The following CRADD variants were observed in gnomAD, a reference collection of about 807,000 sequenced individuals.
CRADD encodes death domain-containing protein CRADD.
In CRADD, 9 loss-of-function variants were observed where a neutral mutation model predicts 15.5. That is an observed-to-expected ratio of 0.58 (90% CI 0.35 to 1.01). The LOEUF (loss-of-function observed/expected upper bound fraction) is 1.01. Ranked by LOEUF, CRADD falls within the 50% of genes least tolerant of loss-of-function variation. The pLI, the probability that CRADD is intolerant of heterozygous loss-of-function variation, is 0.02. For synonymous variants in CRADD, 118 were observed against 107.6 expected, an observed-to-expected ratio of 1.10 and a Z score of -0.60; for missense variants, 227 against 250.3, an observed-to-expected ratio of 0.91 and a Z score of 0.63.
At chr12:93,779,999 G>A (rs750991805) in intron 2 of CRADD, among the ~76,000 whole-genome samples, 9 of 152,208 alleles carry the variant, frequency 5.9e-5, no homozygotes, top group Non-Finnish European at 1.2e-4. Flanking sequence ...GAAGAGTGGC[G>A]TAAACCGGTA....
chr12:93,699,896 A>G (rs1316871436), intron 2 of CRADD, among the ~76,000 whole-genome samples: 1 of 152,250 alleles, frequency 6.6e-6, no homozygotes, highest in Admixed American at 6.5e-5. Flanking sequence ...AGAGAGGGGT[A>G]ACATGCATAC....
chr12:93,839,352 C>T (rs934924128), intron 2 of CRADD, among the ~76,000 whole-genome samples: 2 of 152,166 alleles, frequency 1.3e-5, no homozygotes, highest in African/African-American at 4.8e-5. Context: ...ATCTATATCT[C>T]CCAAAAGAGG....
At chr12:93,773,485 C>T (rs531036582) in intron 2 of CRADD, among the ~76,000 whole-genome samples, 37 of 152,244 alleles carry the variant, frequency 2.4e-4, no homozygotes, top group African/African-American at 5.3e-4. Flanking sequence ...CCACATGGAA[C>T]GGTAAGTCCA....
rs568736302 is a variant in CRADD, at chr12:93,874,328, CT to C, written c.299-19715del. On this transcript the variant is annotated intron_variant, in intron 2 of 2. Transcript: ENST00000548483. ...TTCTGATTTTATTTGCATCTTTTCTCTTTTTTTCTTAGTCTGGCTAAAGTTT... is the reference window on the plus strand; with the variant it reads ...TTCTGATTTTATTTGCATCTTTTCTCTTTTTTCTTAGTCTGGCTAAAGTTT... Among the ~76,000 whole-genome samples, 20 of 151,906 alleles carry C rather than the reference CT, an allele frequency of 1.3e-4. 1 individual carries two copies. The highest frequency in any genetic ancestry group is 4.6e-4 in the African/African-American group (19 of 41,498).
At chr12:93,885,257 C>A (rs1958528116) in intron 2 of CRADD, among the ~76,000 whole-genome samples, 1 of 152,196 alleles carries the variant, frequency 6.6e-6, no homozygotes, top group Admixed American at 6.5e-5. Context: ...TTGTGGTGAA[C>A]TCCAGATTTA....
In CRADD at chr12:93,698,905, A is replaced by T. The variant is rs375793507; in HGVS notation, c.298+19833A>T. On this transcript the variant is annotated intron_variant, in intron 2 of 2. Transcript: ENST00000332896. The stretch of plus-strand genomic sequence containing the variant: ...TAACACGTTGTCTCTGGCTGCTTTC[A>T]CAATACACCAGCAGGGCAGAGTCAG... Among the ~76,000 whole-genome samples, 46 of 152,292 alleles carry T rather than the reference A, an allele frequency of 3.0e-4. 3 individuals carry two copies. The highest frequency in any genetic ancestry group is 1.4e-3 in the Admixed American group (21 of 15,292).
At chr12:93,721,574 T>G (rs1280662987) in intron 2 of CRADD, among the ~76,000 whole-genome samples, 1 of 152,210 alleles carries the variant, frequency 6.6e-6, no homozygotes, top group African/African-American at 2.4e-5. Flanking sequence ...GTACTGCACA[T>G]GTACAGATGT....
At chr12:93,763,301 T>C (rs1956990699) in intron 2 of CRADD, among the ~76,000 whole-genome samples, 1 of 152,202 alleles carries the variant, frequency 6.6e-6, no homozygotes, top group Admixed American at 6.5e-5. Context: ...TGGCTTTACA[T>C]ACTGAGTCCT....
In CRADD at chr12:93,809,259, T is replaced by C. The variant is rs116314660; in HGVS notation, c.299-40711T>C. Among the ~76,000 whole-genome samples the C allele has an allele frequency of 1.5e-3, 221 of 152,352 alleles. 1 individual carries two copies. Among genetic ancestry groups the C allele is most frequent in the African/African-American group, 5.2e-3 (216 of 41,582 alleles). On this transcript the variant is annotated intron_variant, in intron 2 of 2. Transcript: ENST00000332896. ...TAATATATTCATATGTGTTTTAATA[T>C]AAAATGTTTATCATTTAAATGGATT...
chr12:93,680,560 C>T (rs1955261234), intron 2 of CRADD, among the ~76,000 whole-genome samples: 1 of 152,172 alleles, frequency 6.6e-6, no homozygotes, highest in African/African-American at 2.4e-5. Flanking sequence ...AAATATTAGA[C>T]ATAGCTGGCT....
intron 2 of CRADD, among the ~76,000 whole-genome samples, chr12:93,865,885 T>A (rs1479012907): frequency 2.6e-5 from 4 of 152,238 alleles, no homozygotes; most frequent in African/African-American, 9.6e-5. Flanking sequence ...AACCCACAGA[T>A]GTTTGAGAGC....
intron 2 of CRADD, among the ~76,000 whole-genome samples, chr12:93,687,033 A>G (rs1455078475): frequency 6.6e-6 from 1 of 152,208 alleles, no homozygotes; most frequent in Non-Finnish European, 1.5e-5. Flanking sequence ...TTAAAAGGAA[A>G]TGATGATCGT....
chr12:93,745,290 C>T (rs541110186), intron 2 of CRADD, among the ~76,000 whole-genome samples: 19 of 152,140 alleles, frequency 1.2e-4, no homozygotes, highest in Non-Finnish European at 2.4e-4. Flanking sequence ...GTATGAATTA[C>T]ATATGGGCAA....
chr12:93,816,972 A>T (rs763592817), intron 2 of CRADD, among the ~76,000 whole-genome samples: 2 of 152,226 alleles, frequency 1.3e-5, no homozygotes, highest in African/African-American at 4.8e-5. Flanking sequence ...CTGCCTTTGG[A>T]GAAGTGGTTG....
intron 2 of CRADD, among the ~76,000 whole-genome samples, chr12:93,768,769 A>C (rs1360906882): frequency 6.6e-6 from 1 of 152,172 alleles, no homozygotes; most frequent in Non-Finnish European, 1.5e-5. Context: ...GAACACATCC[A>C]TTTACTGCCC....
intron 2 of CRADD, among the ~76,000 whole-genome samples, chr12:93,885,623 AT>A (rs1279879504): frequency 1.3e-5 from 2 of 152,234 alleles, no homozygotes; most frequent in African/African-American, 4.8e-5. Flanking sequence ...TCCATTCTGC[AT>A]AATAAGCTTG....
intron 2 of CRADD, among the ~76,000 whole-genome samples, chr12:93,841,686 G>A (rs749015315): frequency 3.3e-5 from 5 of 152,186 alleles, no homozygotes; most frequent in Non-Finnish European, 5.9e-5. Context: ...TCCTGTTGGT[G>A]TTGGGCTTGG....
At chr12:93,737,335 C>A (rs1378599532) in intron 2 of CRADD, among the ~76,000 whole-genome samples, 1 of 152,140 alleles carries the variant, frequency 6.6e-6, no homozygotes, top group African/African-American at 2.4e-5. Context: ...TTCACATCTG[C>A]TAAAGATAGC....
At chr12:93,843,643 G>C (rs1194705690) in intron 2 of CRADD, among the ~76,000 whole-genome samples, 2 of 151,774 alleles carry the variant, frequency 1.3e-5, no homozygotes, top group Non-Finnish European at 2.9e-5. Context: ...GCCTCCCAAA[G>C]GGCTGGGATT....
Sources: allele counts gnomAD v4.1 joint callset (sites outside exome capture counted in the v4.1 genomes callset), GRCh38; gene constraint gnomAD v4.1.1; transcripts MANE v1.5; gene names NCBI Gene and HGNC (gene_info 2026-07-23, HGNC 2026-07-21).